ADA: variants seen among roughly 807,000 people sequenced by gnomAD.
The protein encoded by ADA is adenosine aminohydrolase.
In ADA, 45 loss-of-function variants were observed where a neutral mutation model predicts 49.0. The ratio of observed to expected loss-of-function variants is 0.92; its 90% CI spans 0.72 to 1.18. The LOEUF is 1.18. Among genes scored for constraint, ADA ranks in the 50% most tolerant of loss-of-function variants. The probability of loss-of-function intolerance (pLI) is 0.00; values close to 1 mark genes in which losing one functional copy is unlikely to be tolerated. For synonymous variants in ADA, 173 were observed against 184.2 expected (o/e 0.94, Z 0.49); for missense variants, 445 against 472.5 (o/e 0.94, Z 0.54).
At chr20:44,632,904 C>G (rs187890976) in intron 2 of ADA, among the ~76,000 whole-genome samples, 1 of 152,168 alleles carries the variant, frequency 6.6e-6, no homozygotes, top group East Asian at 1.9e-4. Flanking sequence ...ATGTTGGCCA[C>G]GCTGGTCTTG....
intron 3 of ADA, among the ~76,000 whole-genome samples, chr20:44,627,642 C>G (rs918847816): frequency 6.6e-6 from 1 of 152,230 alleles, no homozygotes; most frequent in African/African-American, 2.4e-5. Context: ...ACCCCTCTGT[C>G]TTGGGATGGC....
chr20:44,629,302 TCCAGCTGCTC>T, intron 2 of ADA, 133 bp from the exon 3 acceptor site: 1 of 1,331,380 alleles, frequency 7.5e-7, no homozygotes, highest in Non-Finnish European at 1.0e-6. Context: ...CGTCTCTCAG[TCCAGCTGCTC>T]CCACTGGACA....
chr20:44,644,087 C>A (rs2065564847), intron 1 of ADA, among the ~76,000 whole-genome samples: 1 of 145,262 alleles, frequency 6.9e-6, no homozygotes, highest in African/African-American at 2.5e-5. Flanking sequence ...CCGTCTACCT[C>A]CAAGGCAAAC....
At chr20:44,643,030 G>T (rs1253747630) in intron 1 of ADA, among the ~76,000 whole-genome samples, 1 of 152,132 alleles carries the variant, frequency 6.6e-6, no homozygotes, top group Non-Finnish European at 1.5e-5. Flanking sequence ...CACCTCCACA[G>T]GTGGCTCAAG....
intron 1 of ADA, among the ~76,000 whole-genome samples, chr20:44,638,846 C>T (rs1329501959): frequency 1.3e-5 from 2 of 152,058 alleles, no homozygotes; most frequent in South Asian, 2.1e-4. Flanking sequence ...TGAGCCTGAG[C>T]GAAAAGCTAG....
At chr20:44,636,126 C>T in intron 2 of ADA, 101 bp downstream of exon 2, 1 of 1,113,840 alleles carries the variant, frequency 9.0e-7, no homozygotes, top group Non-Finnish European at 1.3e-6. Context: ...CACAGGGAGA[C>T]AGGAAGGAAC....
intron 3 of ADA, among the ~76,000 whole-genome samples, chr20:44,628,531 A>G (rs149458438): frequency 1.0e-5 from 1 of 96,266 alleles, no homozygotes; most frequent in African/African-American, 5.4e-5. Context: ...GTCTCAATAA[A>G]TAAATAAATA....
At chr20:44,644,760 G>A (rs775998756) in intron 1 of ADA, among the ~76,000 whole-genome samples, 21 of 152,186 alleles carry the variant, frequency 1.4e-4, no homozygotes, top group Admixed American at 7.9e-4. Context: ...TCTAGGCTCC[G>A]CCAGCTCCGA....
At chr20:44,628,987 C>A in intron 3 of ADA, 60 bp downstream of exon 3, 2 of 1,612,822 alleles carry the variant, frequency 1.2e-6, no homozygotes, top group Non-Finnish European at 1.7e-6. Flanking sequence ...GAGGGACAGG[C>A]CTGGTCCTAG....
chr20:44,638,300 G>T (rs1311189315), intron 1 of ADA, among the ~76,000 whole-genome samples: 1 of 152,258 alleles, frequency 6.6e-6, no homozygotes, highest in Non-Finnish European at 1.5e-5. Context: ...TGAAGGCTGG[G>T]CATGGGGGCT....
chr20:44,628,194 C>G (rs1296582514), intron 3 of ADA, among the ~76,000 whole-genome samples: 1 of 152,170 alleles, frequency 6.6e-6, no homozygotes, highest in Non-Finnish European at 1.5e-5. Context: ...AGGCCACTCT[C>G]AGGAGAAGGG....
At chr20:44,624,360 C>T in intron 5 of ADA, 31 bp from the exon 6 acceptor site, 1 of 1,611,868 alleles carries the variant, frequency 6.2e-7, no homozygotes, top group Non-Finnish European at 8.5e-7. Context: ...CAGGCTCTGT[C>T]ACCAGCACCA....
chr20:44,625,981 C>G (rs781507630), intron 4 of ADA, among the ~76,000 whole-genome samples: 35 of 152,194 alleles, frequency 2.3e-4, no homozygotes, highest in Admixed American at 7.2e-4. Context: ...TGTTCACATT[C>G]TATATGTATC....
chr20:44,632,619 G>A (rs909774616), intron 2 of ADA, among the ~76,000 whole-genome samples: 25 of 152,170 alleles, frequency 1.6e-4, no homozygotes, highest in Non-Finnish European at 8.8e-5. Context: ...TGTTCCTAGG[G>A]CCCTGGCACC....
Position 44,625,665 on chromosome 20 carries a change from C to G in ADA, c.382G>C (p.Glu128Gln), listed in dbSNP as rs773557479. ...CCCTGGCCCACTAGGGCCACCACCT[C>G]GTCTGGGGTGAGGTCCCCTCTGTGT... ...NQAEGDLTPD[E>Q]VVALVGQGLQ... Residue 128 changes from glutamate (E) to glutamine (Q), a missense_variant, in exon 5 of 12, where the codon GAG becomes CAG. Coordinates refer to ENST00000372874, the MANE Select transcript of ADA (RefSeq NM_000022.4). 1.3e-6 allele frequency: 2 copies of G among 1,566,152 alleles called. No individual in the cohort carries two copies. Among genetic ancestry groups the G allele is most frequent in the African/African-American group, 2.7e-5 (2 of 73,900 alleles).
At chr20:44,629,656 C>T (rs2065415546) in intron 2 of ADA, among the ~76,000 whole-genome samples, 1 of 152,218 alleles carries the variant, frequency 6.6e-6, no homozygotes, top group African/African-American at 2.4e-5. Flanking sequence ...CTCCATCTGG[C>T]TGGCACATCA....
At chr20:44,647,384 CGAG>C (rs1289672750) in intron 1 of ADA, among the ~76,000 whole-genome samples, 2 of 151,628 alleles carry the variant, frequency 1.3e-5, no homozygotes, top group East Asian at 3.9e-4. Flanking sequence ...TGCAGTGAGC[CGAG>C]GTCGTGCCAT....
At chr20:44,636,437 C>G in intron 1 of ADA, 149 bp from the exon 2 acceptor site, 1 of 690,384 alleles carries the variant, frequency 1.4e-6, no homozygotes, top group South Asian at 1.6e-5. Context: ...ACCCCATATA[C>G]TTCGGTAAAC....
intron 11 of ADA, 78 bp from the exon 12 acceptor site, chr20:44,619,925 G>A: frequency 1.3e-6 from 2 of 1,576,968 alleles, no homozygotes; most frequent in Non-Finnish European, 1.7e-6. Context: ...TAGAACACCA[G>A]AACCAGAAAG....
Sources: allele counts gnomAD v4.1 joint callset (sites outside exome capture counted in the v4.1 genomes callset), GRCh38; gene constraint gnomAD v4.1.1; transcripts MANE v1.5; gene names NCBI Gene and HGNC (gene_info 2026-07-23, HGNC 2026-07-21).